Variants in TRIM67 observed in about 807,000 individuals in gnomAD.
TRIM67 encodes the protein tripartite motif containing 67.
In TRIM67, 39 loss-of-function variants were observed where a neutral mutation model predicts 71.0. The observed-to-expected ratio is 0.55, with a 90% CI of 0.43 to 0.72. The LOEUF is 0.72. Among genes scored for constraint, TRIM67 ranks in the 30% least tolerant of loss-of-function variants. The pLI is 0.00. For missense variants in TRIM67, 973 were observed against 1,079.2 expected, an observed-to-expected ratio of 0.90 and a Z score of 1.38; for synonymous variants, 481 against 473.9, an observed-to-expected ratio of 1.01 and a Z score of -0.19.
intron 1 of TRIM67, among the ~76,000 whole-genome samples, chr1:231,180,625 G>A (rs953517933): frequency 6.6e-6 from 1 of 152,054 alleles, no homozygotes; most frequent in Admixed American, 6.6e-5. Flanking sequence ...GGAGTTGGAT[G>A]AATCAAGGGA....
At chr1:231,181,056 C>T (rs971129765) in intron 1 of TRIM67, among the ~76,000 whole-genome samples, 9 of 152,208 alleles carry the variant, frequency 5.9e-5, no homozygotes, top group African/African-American at 2.2e-4. Flanking sequence ...ACCTCTGCCT[C>T]CCAGGTTCGT....
chr1:231,175,102 G>A, intron 1 of TRIM67, among the ~76,000 whole-genome samples: 1 of 152,338 alleles, frequency 6.6e-6, no homozygotes, highest in East Asian at 1.9e-4. Context: ...TGCAGACAGT[G>A]CAGCCATTCA....
At chr1:231,186,309 C>T (rs910716823) in intron 1 of TRIM67, 151 of 696,962 alleles carry the variant, frequency 2.2e-4, no homozygotes, top group Non-Finnish European at 2.8e-4. Context: ...TCGGGCCTGA[C>T]CTGGATTCCT....
chr1:231,201,459 C>G lies in TRIM67; in HGVS notation c.1476C>G (p.Asp492Glu), dbSNP rs371504102. Reference sequence around the variant, plus strand: ...CTGCGGAGTTTGATCTGACTTTGGACAGCGAGCCGCTGCTGCAGGCCATCC... The same window carrying G: ...CTGCGGAGTTTGATCTGACTTTGGAGAGCGAGCCGCTGCTGCAGGCCATCC... The part of the protein sequence containing the change: ...KVSAEFDLTL[D>E]SEPLLQAIHQ... Residue 492 changes from aspartate to glutamate, a missense_variant, in exon 5 of 10, where the codon GAC (aspartate) becomes GAG (glutamate). Physicochemically the swap from Asp to Glu is conservative, Grantham distance 45. This residue lies in a region of TRIM67 where 795 missense variants were observed against 831.3 expected (regional missense o/e 0.96). Transcript: ENST00000366653. The G allele has an allele frequency of 1.3e-4, 202 of 1,613,770 alleles. 3 individuals carry two copies. The South Asian group carries it at 2.1e-3, about 17-fold the overall frequency.
chr1:231,210,620 G>A (rs1214066775), intron 8 of TRIM67, among the ~76,000 whole-genome samples: 3 of 151,588 alleles, frequency 2.0e-5, no homozygotes, highest in Non-Finnish European at 2.9e-5. Context: ...TTTGCTGGCA[G>A]GAGTGATAAC....
At chr1:231,192,598 TGTG>T (rs1348068398) in intron 1 of TRIM67, among the ~76,000 whole-genome samples, 1 of 152,228 alleles carries the variant, frequency 6.6e-6, no homozygotes, top group East Asian at 1.9e-4. Flanking sequence ...AGAACTGACT[TGTG>T]GTCATTCACA....
Position 231,216,910 on chromosome 1 carries a change from T to G in TRIM67, c.*1470T>G. ...CCTCCAGCTCCACCTGGTAGTAACA[T>G]TTCTCTCTCCTTTTAAAAAGAATAT... On this transcript the variant is annotated 3_prime_UTR_variant, in exon 10 of 10. Coordinates refer to ENST00000366653, the MANE Select transcript of TRIM67 (RefSeq NM_001004342.5). The G allele has an allele frequency of 3.0e-6, 3 of 985,542 alleles. No individual in the cohort carries two copies. Among genetic ancestry groups the G allele is most frequent in the Non-Finnish European group, 3.6e-6 (3 of 829,934 alleles). The allele number at this position is 985,542 out of a possible 1,614,324, so 61.0% of individuals were successfully genotyped here.
At position 231,162,091 on chromosome 1, in the gene TRIM67, G is replaced by A. The variant is rs1252275348; in HGVS notation, c.-879G>A. On this transcript the variant is annotated 5_prime_UTR_variant, in exon 1 of 10. Transcript: ENST00000366653. ...TCGGCGCGCCGCGCGGGGAGGCAGC[G>A]GCAGCGGCGGGAGGGAGGCGGGGAG... 6.6e-6 allele frequency: 1 copy of A among 152,086 alleles called. No individual in the cohort carries two copies. The highest frequency in any genetic ancestry group is 2.4e-5 in the African/African-American group (1 of 41,450). The allele number at this position is 152,086 out of a possible 1,614,324, so 9.4% of individuals were successfully genotyped here.
intron 1 of TRIM67, among the ~76,000 whole-genome samples, chr1:231,178,011 G>A (rs1334968095): frequency 6.6e-6 from 1 of 152,176 alleles, no homozygotes; most frequent in Non-Finnish European, 1.5e-5. Context: ...TAAAGGAAGG[G>A]TCATTCCTGG....
intron 1 of TRIM67, among the ~76,000 whole-genome samples, chr1:231,197,054 T>G (rs906878543): frequency 6.6e-6 from 1 of 152,210 alleles, no homozygotes; most frequent in African/African-American, 2.4e-5. Flanking sequence ...AGCCAAGGAC[T>G]CTATTTATCT....
intron 1 of TRIM67, among the ~76,000 whole-genome samples, chr1:231,192,371 G>T (rs767687623): frequency 6.6e-6 from 1 of 151,972 alleles, no homozygotes; most frequent in Non-Finnish European, 1.5e-5. Context: ...CAGTCTGGTC[G>T]TACTCATTAT....
rs1684004785 is a variant in TRIM67 at position 231,215,990 on chromosome 1, C to T, written c.*550C>T. ...TTTAGTAGCACCTGCCACTTGCAGA[C>T]CCAATGCAGGATTGATAGAAAGGGA... On this transcript the variant is annotated 3_prime_UTR_variant, in exon 10 of 10. Transcript: ENST00000366653. The T allele has an allele frequency of 1.0e-6, 1 of 985,874 alleles. No homozygotes were observed. The highest frequency in any genetic ancestry group is 1.2e-6 in the Non-Finnish European group (1 of 830,286). 61.1% of individuals were successfully genotyped at this position (985,874 alleles called of 1,614,324 possible).
At chr1:231,214,087 C>T in intron 9 of TRIM67, 110 bp downstream of exon 9, 2 of 1,298,808 alleles carry the variant, frequency 1.5e-6, no homozygotes, top group Non-Finnish European at 2.1e-6. Context: ...ACCACAGAGC[C>T]TTCCCAGACA....
intron 1 of TRIM67, among the ~76,000 whole-genome samples, chr1:231,182,254 A>T (rs1682926306): frequency 6.6e-6 from 1 of 152,238 alleles, no homozygotes; most frequent in South Asian, 2.1e-4. Flanking sequence ...AGATGAAACA[A>T]GCAAGGTCTC....
At position 231,195,113 on chromosome 1, in the gene TRIM67, C is replaced by A. The variant is rs142469324; in HGVS notation, c.1045-2258C>A. ...AACTCACAGTAAGATTTGAGGGCCT[C>A]GGGATAAGAGCCTTTTCTCAGAGAC... is the stretch of plus-strand genomic sequence containing the variant. On this transcript the variant is annotated intron_variant, in intron 1 of 9. Transcript: ENST00000366653. Among the ~76,000 whole-genome samples, 156 of 152,240 alleles carry A rather than the reference C, an allele frequency of 1.0e-3. 1 individual carries two copies. The highest frequency in any genetic ancestry group is 3.7e-3 in the African/African-American group (154 of 41,534).
intron 1 of TRIM67, among the ~76,000 whole-genome samples, chr1:231,170,490 A>G (rs1248578111): frequency 6.6e-6 from 1 of 152,212 alleles, no homozygotes; most frequent in Non-Finnish European, 1.5e-5. Context: ...ATTCATGAAT[A>G]TATTTCATAA....
intron 1 of TRIM67, chr1:231,185,288 T>G: frequency 7.2e-7 from 1 of 1,392,600 alleles, no homozygotes; most frequent in South Asian, 1.3e-5. Flanking sequence ...CCTCCCACCC[T>G]CCTACACTGG....
intron 9 of TRIM67, 114 bp from the exon 10 acceptor site, chr1:231,215,261 A>G (rs1442172447): frequency 2.1e-6 from 3 of 1,439,238 alleles, no homozygotes; most frequent in African/African-American, 2.8e-5. Context: ...GAGCTATTGC[A>G]TGGATGGCCC....
At chr1:231,186,027 G>C (rs1683063767) in intron 1 of TRIM67, 2 of 1,481,304 alleles carry the variant, frequency 1.4e-6, no homozygotes, top group Non-Finnish European at 1.8e-6. Context: ...TTGGGTTGCA[G>C]ATTTTCCCAG....
Sources: gnomAD v4.1 joint callset for allele counts (sites outside exome capture counted in the v4.1 genomes callset) on GRCh38, gnomAD v4.1.1 for gene constraint, gnomAD v4.1.1 regional missense constraint, MANE v1.5 for transcripts, NCBI Gene and HGNC (gene_info 2026-07-23, HGNC 2026-07-21) for gene names.